The following ACSM1 variants were observed in gnomAD, a reference collection of about 807,000 sequenced individuals.
ACSM1 encodes the protein acyl-CoA synthetase medium chain family member 1.
Under a neutral mutation model 75.8 loss-of-function variants are expected in ACSM1, and 79 were observed. That is an observed-to-expected ratio of 1.04 (90% CI 0.87 to 1.26). The LOEUF (loss-of-function observed/expected upper bound fraction) is 1.26, where lower values mean the gene tolerates loss of function less well. Among genes scored for constraint, ACSM1 ranks in the 50% most tolerant of loss-of-function variants. The probability of loss-of-function intolerance (pLI) is 0.00; values close to 1 mark genes in which losing one functional copy is unlikely to be tolerated. For synonymous variants in ACSM1, 279 were observed against 265.8 expected, an observed-to-expected ratio of 1.05 and a Z score of -0.48; for missense variants, 676 against 720.1, an observed-to-expected ratio of 0.94 and a Z score of 0.70.
At chr16:20,688,342 G>T (rs1211440782) in intron 2 of ACSM1, among the ~76,000 whole-genome samples, 3 of 151,978 alleles carry the variant, frequency 2.0e-5, no homozygotes, top group Non-Finnish European at 4.4e-5. Flanking sequence ...ACCCATTTTG[G>T]GCATTCTAGA....
chr16:20,693,363 C>G (rs2079673208), intron 1 of ACSM1, among the ~76,000 whole-genome samples: 1 of 152,148 alleles, frequency 6.6e-6, no homozygotes, highest in African/African-American at 2.4e-5. Flanking sequence ...AACATGACAG[C>G]AGGAACCTCC....
chr16:20,624,987 T>C lies in ACSM1; in HGVS notation c.1527+436A>G, dbSNP rs140072226. Among the ~76,000 whole-genome samples, 936 of 152,216 alleles carry C rather than the reference T, an allele frequency of 6.1e-3. 13 individuals carry two copies. The highest frequency in any genetic ancestry group is 0.032 in the South Asian group (152 of 4,822). ...CGGTCCACCTCAGCCTCCCAAAACA[T>C]TGGAATTACAGGCATGAGCCACCGT... On this transcript the variant is annotated intron_variant, in intron 12 of 13. Coordinates refer to ENST00000520010, the MANE Select transcript of ACSM1 (RefSeq NM_001318890.3).
chr16:20,654,270 A>C (rs2018818590), intron 7 of ACSM1, among the ~76,000 whole-genome samples: 1 of 152,182 alleles, frequency 6.6e-6, no homozygotes, highest in South Asian at 2.1e-4. Flanking sequence ...TAAAGACTGA[A>C]ATGTTAGACC....
chr16:20,681,934 G>C (rs1567306872), intron 4 of ACSM1: 5 of 240,226 alleles, frequency 2.1e-5, no homozygotes, highest in Non-Finnish European at 4.2e-5. Context: ...ATGGTCACTA[G>C]ACAGATAAAC....
At position 20,626,793 on chromosome 16, in the gene ACSM1, C is replaced by T. The variant is rs59173504; in HGVS notation, c.1427+396G>A. 4.7e-3 allele frequency among the ~76,000 whole-genome samples: 721 copies of T among 151,972 alleles called. 4 individuals carry two copies. Among genetic ancestry groups the T allele is most frequent in the Middle Eastern group, 0.014 (4 of 294 alleles). Reference sequence around the variant, plus strand: ...ATATATTCATAATAATAAAAATAAACAATAGCTAAAGGTTAGCTATTATTA... The same window carrying T: ...ATATATTCATAATAATAAAAATAAATAATAGCTAAAGGTTAGCTATTATTA... On this transcript the variant is annotated intron_variant, in intron 11 of 13. Transcript: ENST00000520010.
intron 7 of ACSM1, among the ~76,000 whole-genome samples, chr16:20,643,160 C>A (rs1278560192): frequency 6.6e-6 from 1 of 152,208 alleles, no homozygotes; most frequent in Non-Finnish European, 1.5e-5. Context: ...GTTCCCAACT[C>A]TGAAGAGTTG....
rs748159478 is a variant in ACSM1, at chr16:20,661,791, T to C, written c.992+3A>G. The C allele has an allele frequency of 1.7e-5, 28 of 1,605,478 alleles. No individual in the cohort carries two copies. Among genetic ancestry groups the C allele is most frequent in the African/African-American group, 9.4e-5 (7 of 74,742 alleles). On this transcript the variant is annotated splice_donor_region_variant and intron_variant, in intron 7 of 13. Coordinates refer to ENST00000520010, the MANE Select transcript of ACSM1 (RefSeq NM_001318890.3). ...ATGTTGTTACAAGCCACTTCTACCA[T>C]ACCTGGTGAAATCCTGCTGCAGAAT...
At chr16:20,694,966 T>C (rs1353500579) in intron 1 of ACSM1, among the ~76,000 whole-genome samples, 1 of 152,172 alleles carries the variant, frequency 6.6e-6, no homozygotes, top group African/African-American at 2.4e-5. Flanking sequence ...ACCTCCAGCC[T>C]TCAGAACTTT....
chr16:20,648,689 C>G lies in ACSM1; in HGVS notation c.993-8105G>C, dbSNP rs2018483937. On this transcript the variant is annotated intron_variant, in intron 7 of 13. Coordinates refer to ENST00000520010, the MANE Select transcript of ACSM1 (RefSeq NM_001318890.3). The surrounding 1 kb of genome is among the most constrained non-coding windows in gnomAD (Gnocchi z 4.2). ...CTACAATCCTTTATCCTAACCCTCT[C>G]TTTTATTGATTCCAGGTCTTTAGAT... Among the ~76,000 whole-genome samples the G allele has an allele frequency of 6.6e-6, 1 of 152,214 alleles. No homozygotes were observed. The highest frequency in any genetic ancestry group is 2.1e-4 in the South Asian group (1 of 4,828).
rs754066215 is a variant in ACSM1, at chr16:20,671,615, A to T, written c.668T>A (p.Ile223Asn). 5.6e-6 allele frequency: 9 copies of T among 1,613,638 alleles called. No individual in the cohort carries two copies. The highest frequency in any genetic ancestry group is 7.6e-6 in the Non-Finnish European group (9 of 1,179,794). ...VKSKTLDPMV[I>N]FFTSGTTGFP... The stretch of plus-strand genomic sequence containing the variant: ...GCCTGTGGTCCCACTGGTGAAGAAG[A>T]TGACCATTGGGTCCAAGGTCTTTGA... Residue 223 changes from isoleucine to asparagine, a missense_variant, in exon 5 of 14, where the codon ATC (isoleucine) becomes AAC (asparagine). Coordinates refer to ENST00000520010, the MANE Select transcript of ACSM1 (RefSeq NM_001318890.3).
intron 10 of ACSM1, among the ~76,000 whole-genome samples, chr16:20,634,689 G>A (rs2017553712): frequency 1.3e-5 from 2 of 152,274 alleles, no homozygotes; most frequent in South Asian, 2.1e-4. Flanking sequence ...ATCATGTGCT[G>A]GAGACTGGGG....
intron 7 of ACSM1, among the ~76,000 whole-genome samples, chr16:20,661,069 G>T (rs906422138): frequency 1.2e-4 from 19 of 152,150 alleles, no homozygotes; most frequent in Non-Finnish European, 5.9e-5. Context: ...AAACTCTACA[G>T]AAATGCATGC....
intron 3 of ACSM1, among the ~76,000 whole-genome samples, chr16:20,684,242 A>T (rs992381): frequency 5.3e-5 from 8 of 152,088 alleles, no homozygotes; most frequent in African/African-American, 1.9e-4. Flanking sequence ...ATATTCAATT[A>T]GGTAAAGAAT....
chr16:20,642,396 G>T (rs1344427295), intron 7 of ACSM1, among the ~76,000 whole-genome samples: 3 of 152,210 alleles, frequency 2.0e-5, no homozygotes, highest in Non-Finnish European at 2.9e-5. Flanking sequence ...CTTAATGGGT[G>T]AGAAGATGAA....
At chr16:20,680,361 G>C (rs543449778) in intron 4 of ACSM1, 27 of 152,268 alleles carry the variant, frequency 1.8e-4, no homozygotes, top group African/African-American at 6.5e-4. Flanking sequence ...ATAAGCATTT[G>C]GATAAGCCAG....
chr16:20,674,787 G>C (rs2020166257), intron 4 of ACSM1: 2 of 152,284 alleles, frequency 1.3e-5, no homozygotes, highest in African/African-American at 4.8e-5. Flanking sequence ...ACCTGAGATG[G>C]GGCTGCAGGA....
At chr16:20,650,653 G>T (rs1231905141) in intron 7 of ACSM1, among the ~76,000 whole-genome samples, 4 of 145,884 alleles carry the variant, frequency 2.7e-5, no homozygotes, top group African/African-American at 8.0e-5. Context: ...CTACAGCTCA[G>T]TTCCTCCTCT....
At chr16:20,644,532 T>C (rs2018249979) in intron 7 of ACSM1, among the ~76,000 whole-genome samples, 1 of 138,154 alleles carries the variant, frequency 7.2e-6, no homozygotes. Flanking sequence ...TCCCATGTGA[T>C]TGAGGAACAC....
intron 10 of ACSM1, among the ~76,000 whole-genome samples, chr16:20,627,869 C>CATATATATATATAT (rs61366465): frequency 1.3e-5 from 1 of 77,536 alleles, no homozygotes; most frequent in Non-Finnish European, 2.4e-5. Context: ...TGTATGTATA[C>CATATATATATATAT]ATATATATAT....
Sources: allele counts gnomAD v4.1 joint callset (sites outside exome capture counted in the v4.1 genomes callset), GRCh38; gene constraint gnomAD v4.1.1; non-coding constraint Gnocchi (gnomAD v3.1); transcripts MANE v1.5; gene names NCBI Gene and HGNC (gene_info 2026-07-23, HGNC 2026-07-21).